LRRIQ1: variants seen among roughly 807,000 people sequenced by gnomAD.
LRRIQ1 encodes the protein leucine-rich repeat- and IQ domain-containing protein 1.
A neutral mutation model predicts 211.9 loss-of-function variants in LRRIQ1; 210 were observed. That is an observed-to-expected ratio of 0.99 (90% confidence interval 0.89 to 1.11). The LOEUF (loss-of-function observed/expected upper bound fraction) is 1.11, where lower values mean the gene tolerates loss of function less well. Ranked by LOEUF, LRRIQ1 falls within the 50% of genes most tolerant of loss-of-function variation. LRRIQ1 has a pLI of 0.00. For synonymous variants in LRRIQ1, 699 were observed against 650.1 expected, an observed-to-expected ratio of 1.08 and a Z score of -1.14; for missense variants, 2,136 against 1,939.5, an observed-to-expected ratio of 1.10 and a Z score of -1.90.
At chr12:85,218,730 C>T (rs757057900) in intron 24 of LRRIQ1, among the ~76,000 whole-genome samples, 1 of 151,968 alleles carries the variant, frequency 6.6e-6, no homozygotes, top group Non-Finnish European at 1.5e-5. Context: ...GGGAAAAAAT[C>T]ATAAATTCCA....
chr12:85,245,229 A>T (rs1383131714), downstream of LRRIQ1: 1 of 262,262 alleles, frequency 3.8e-6, no homozygotes, highest in Non-Finnish European at 6.9e-6. Flanking sequence ...TAATTGTAAG[A>T]TGTTAGATTT....
At chr12:85,252,764 ATAAAGT>A (rs1306575853) in intron 1 of LRRIQ1, among the ~76,000 whole-genome samples, 1 of 151,892 alleles carries the variant, frequency 6.6e-6, no homozygotes, top group Non-Finnish European at 1.5e-5. Context: ...TTTTTTGAAG[ATAAAGT>A]TAATAATACT....
intron 24 of LRRIQ1, among the ~76,000 whole-genome samples, chr12:85,203,077 G>A (rs926020184): frequency 6.6e-6 from 1 of 152,274 alleles, no homozygotes; most frequent in East Asian, 1.9e-4. Context: ...GACCAGGTGG[G>A]AGATAATTGT....
At chr12:85,171,615 A>G (rs563677150) in intron 24 of LRRIQ1, among the ~76,000 whole-genome samples, 3 of 152,328 alleles carry the variant, frequency 2.0e-5, no homozygotes, top group Admixed American at 1.3e-4. Context: ...GTGTCCTTCA[A>G]AAATTCATAG....
At chr12:85,102,953 A>ATAT (rs1555207709) in intron 13 of LRRIQ1, among the ~76,000 whole-genome samples, 40 of 118,790 alleles carry the variant, frequency 3.4e-4, no homozygotes, top group African/African-American at 1.3e-3. Flanking sequence ...GCAAAAAAAA[A>ATAT]AAAAAAATAT....
At chr12:85,139,266 G>A (rs2136562629) in intron 19 of LRRIQ1, among the ~76,000 whole-genome samples, 1 of 151,504 alleles carries the variant, frequency 6.6e-6, no homozygotes, top group Non-Finnish European at 1.5e-5. Context: ...GTAACAAAAA[G>A]GGCATCAACT....
chr12:85,070,212 C>A (rs907575425), intron 10 of LRRIQ1, among the ~76,000 whole-genome samples: 9 of 151,866 alleles, frequency 5.9e-5, no homozygotes, highest in Admixed American at 1.3e-4. Flanking sequence ...TGATTGCATC[C>A]GCAGTCATAC....
intron 10 of LRRIQ1, among the ~76,000 whole-genome samples, chr12:85,069,698 T>C (rs1412625820): frequency 6.6e-6 from 1 of 152,198 alleles, no homozygotes; most frequent in Non-Finnish European, 1.5e-5. Flanking sequence ...CCAGTGATGA[T>C]GAACATTTTT....
intron 11 of LRRIQ1, among the ~76,000 whole-genome samples, chr12:85,097,711 C>CA (rs1457196816): frequency 1.3e-5 from 2 of 152,108 alleles, no homozygotes; most frequent in Non-Finnish European, 2.9e-5. Flanking sequence ...TGAAACTTTA[C>CA]ACACTTCCTC....
intron 24 of LRRIQ1, among the ~76,000 whole-genome samples, chr12:85,224,771 A>G (rs982498717): frequency 6.6e-6 from 1 of 151,986 alleles, no homozygotes; most frequent in Non-Finnish European, 1.5e-5. Context: ...GCATTAGGAG[A>G]AATACCTAAT....
intron 24 of LRRIQ1, among the ~76,000 whole-genome samples, chr12:85,167,278 A>G (rs766050769): frequency 1.2e-4 from 18 of 152,200 alleles, no homozygotes; most frequent in Non-Finnish European, 2.4e-4. Context: ...CAAAACTAAT[A>G]GGATAGATGT....
At chr12:85,226,542 T>C (rs1416246122) in intron 24 of LRRIQ1, among the ~76,000 whole-genome samples, 3 of 151,204 alleles carry the variant, frequency 2.0e-5, no homozygotes, top group Non-Finnish European at 4.4e-5. Flanking sequence ...TTTTTTTTTT[T>C]TTTTTTACTT....
At chr12:85,085,067 A>G (rs1884679396) in intron 11 of LRRIQ1, among the ~76,000 whole-genome samples, 1 of 152,180 alleles carries the variant, frequency 6.6e-6, no homozygotes, top group Non-Finnish European at 1.5e-5. Flanking sequence ...CAATTTTCCT[A>G]CAGATAATTT....
At chr12:85,101,848 A>G (rs916030668) in intron 13 of LRRIQ1, among the ~76,000 whole-genome samples, 2 of 151,700 alleles carry the variant, frequency 1.3e-5, no homozygotes, top group African/African-American at 4.8e-5. Flanking sequence ...GCAAAGATTT[A>G]TTGATTTTTG....
In LRRIQ1 at chr12:85,152,433, T is replaced by TCATA; in HGVS notation, c.4419+64_4419+65insCATA. 6.5e-6 allele frequency: 8 copies of TCATA among 1,231,384 alleles called. No homozygotes were observed. In the South Asian group the frequency reaches 1.2e-4, roughly 18 times the overall value. The allele number at this position is 1,231,384 out of a possible 1,614,324, so 76.3% of individuals were successfully genotyped here. ...CTCATTTCTTAAGGTTATGCTATGT[T>TCATA]GCAGTGATTAATAATACAATTTATT... On this transcript the variant is annotated intron_variant, in intron 20 of 26. Coordinates refer to ENST00000393217, the MANE Select transcript of LRRIQ1 (RefSeq NM_001079910.2).
At chr12:85,082,904 G>C (rs1884444434) in intron 11 of LRRIQ1, among the ~76,000 whole-genome samples, 2 of 152,118 alleles carry the variant, frequency 1.3e-5, no homozygotes. Context: ...TTTTCAGGTG[G>C]CTGGGGACAC....
chr12:85,066,341 C>T (rs1201727857), intron 9 of LRRIQ1, among the ~76,000 whole-genome samples: 1 of 151,870 alleles, frequency 6.6e-6, no homozygotes, highest in African/African-American at 2.4e-5. Context: ...GCCCTCTCAA[C>T]TCAGATATCT....
intron 23 of LRRIQ1, among the ~76,000 whole-genome samples, chr12:85,158,743 G>A (rs1890698063): frequency 6.6e-6 from 1 of 151,836 alleles, no homozygotes. Context: ...ATGTTTATAA[G>A]GCAACTTACA....
At position 85,068,095 on chromosome 12, in the gene LRRIQ1, T is replaced by G. The variant is rs537490887; in HGVS notation, c.2695+1197T>G. Among the ~76,000 whole-genome samples the G allele has an allele frequency of 1.4e-3, 209 of 152,078 alleles. 4 individuals carry two copies. In the South Asian group the frequency reaches 0.043, roughly 31 times the overall value. On this transcript the variant is annotated intron_variant, in intron 10 of 26. Coordinates refer to ENST00000393217, the MANE Select transcript of LRRIQ1 (RefSeq NM_001079910.2). ...TATTATTTAATTCATGATGAAATTC[T>G]CAAGGGCCTTGGTAGAGGCTTAATA...
Sources: gnomAD v4.1 joint callset for allele counts (sites outside exome capture counted in the v4.1 genomes callset) on GRCh38, gnomAD v4.1.1 for gene constraint, MANE v1.5 for transcripts, NCBI Gene and HGNC (gene_info 2026-07-23, HGNC 2026-07-21) for gene names.